Variants in PDE7B observed in about 807,000 individuals in gnomAD.
The protein encoded by PDE7B is 3',5'-cyclic-AMP phosphodiesterase 7B.
A neutral mutation model predicts 56.2 loss-of-function variants in PDE7B; 29 were observed. The observed-to-expected ratio is 0.52, with a 90% CI of 0.38 to 0.70. The LOEUF (loss-of-function observed/expected upper bound fraction) is 0.70. Among genes scored for constraint, PDE7B ranks in the 30% least tolerant of loss-of-function variants. The pLI, the probability that PDE7B is intolerant of heterozygous loss-of-function variation, is 0.00. For synonymous variants in PDE7B, 197 were observed against 196.9 expected (o/e 1.00, Z 0.00); for missense variants, 490 against 565.0 (o/e 0.87, Z 1.35).
intron 1 of PDE7B, among the ~76,000 whole-genome samples, chr6:135,906,813 T>TTTTTTTTTTTTTTTTTTTTTTG (rs1776116704): frequency 5.5e-5 from 6 of 109,294 alleles, no homozygotes; most frequent in African/African-American, 2.6e-4. Flanking sequence ...GAGGTTTGTT[T>TTTTTTTTTTTTTTTTTTTTTTG]TTTTTTTTTT....
At chr6:136,088,425 C>G (rs1456518189) in intron 2 of PDE7B, among the ~76,000 whole-genome samples, 3 of 152,148 alleles carry the variant, frequency 2.0e-5, no homozygotes, top group African/African-American at 7.2e-5. Context: ...AAGTGATGCA[C>G]TAAGCTGGAT....
chr6:135,990,066 C>A (rs956000053), intron 2 of PDE7B, among the ~76,000 whole-genome samples: 1 of 151,062 alleles, frequency 6.6e-6, no homozygotes, highest in African/African-American at 2.4e-5. Flanking sequence ...AATTGGGACT[C>A]AGCAATCTGT....
intron 2 of PDE7B, among the ~76,000 whole-genome samples, chr6:136,009,617 C>T (rs1320598127): frequency 6.6e-6 from 1 of 152,178 alleles, no homozygotes; most frequent in East Asian, 1.9e-4. Flanking sequence ...GGCATTCACT[C>T]ATGATTTGGC....
chr6:135,881,128 C>G (rs1775601891), intron 1 of PDE7B, among the ~76,000 whole-genome samples: 1 of 151,922 alleles, frequency 6.6e-6, no homozygotes. Context: ...TGCAAGTGCC[C>G]TATGCTGTTG....
At chr6:136,052,617 G>GCCCCCCCCCCCCCC (rs11400308) in intron 2 of PDE7B, among the ~76,000 whole-genome samples, 1 of 142,794 alleles carries the variant, frequency 7.0e-6, no homozygotes, top group African/African-American at 2.7e-5. Flanking sequence ...TTAGGGTACA[G>GCCCCCCCCCCCCCC]CCCCCCCCCA....
At chr6:135,954,605 A>G (rs2128200488) in intron 2 of PDE7B, among the ~76,000 whole-genome samples, 1 of 152,292 alleles carries the variant, frequency 6.6e-6, no homozygotes, top group South Asian at 2.1e-4. Context: ...GAAAGTTGAT[A>G]TAATAATGAG....
chr6:135,961,776 A>T (rs1774907198), intron 2 of PDE7B, among the ~76,000 whole-genome samples: 1 of 152,118 alleles, frequency 6.6e-6, no homozygotes, highest in Non-Finnish European at 1.5e-5. Context: ...ATTAATTTTC[A>T]TTTTTTCTTT....
intron 1 of PDE7B, among the ~76,000 whole-genome samples, chr6:135,907,925 G>T (rs1159221607): frequency 6.6e-6 from 1 of 152,096 alleles, no homozygotes; most frequent in African/African-American, 2.4e-5. Flanking sequence ...GGAAATAGAA[G>T]ATGGCCCCTA....
chr6:135,918,325 C>G (rs559064378), intron 1 of PDE7B, among the ~76,000 whole-genome samples: 2 of 152,282 alleles, frequency 1.3e-5, no homozygotes, highest in South Asian at 4.1e-4. Flanking sequence ...ACAGTTGCTT[C>G]AAACATTTTG....
intron 2 of PDE7B, among the ~76,000 whole-genome samples, chr6:136,078,682 A>C (rs1365934904): frequency 6.6e-6 from 1 of 152,116 alleles, no homozygotes; most frequent in Non-Finnish European, 1.5e-5. Context: ...ATGTGCAAAA[A>C]ACCTGCCGTC....
chr6:135,955,688 C>A (rs571713567), intron 2 of PDE7B, among the ~76,000 whole-genome samples: 1 of 152,088 alleles, frequency 6.6e-6, no homozygotes, highest in African/African-American at 2.4e-5. Context: ...TGAAGAAAGA[C>A]TAGTTTAGGG....
At chr6:135,915,801 A>C (rs1342226539) in intron 1 of PDE7B, among the ~76,000 whole-genome samples, 4 of 152,162 alleles carry the variant, frequency 2.6e-5, no homozygotes, top group Non-Finnish European at 5.9e-5. Context: ...AATTATACGG[A>C]ATGTGCGTCT....
rs1426916414 is a variant in PDE7B, at chr6:136,011,825, TAAAAC to T, written c.82+64306_82+64310del. Among the ~76,000 whole-genome samples the T allele has an allele frequency of 2.0e-5, 3 of 151,660 alleles. No homozygotes were observed. In the East Asian group the frequency reaches 5.8e-4, roughly 29 times the overall value. On this transcript the variant is annotated intron_variant, in intron 2 of 12. Coordinates refer to ENST00000308191, the MANE Select transcript of PDE7B (RefSeq NM_018945.4). ...AGGTATCTGTGGTCAGATTTTTACT[TAAAAC>T]AAAAAAAAAGGAGAAGTTTCAGAGT...
intron 1 of PDE7B, among the ~76,000 whole-genome samples, chr6:135,926,085 T>TTGGGG (rs1774178124): frequency 3.1e-4 from 5 of 16,164 alleles, no homozygotes; most frequent in Admixed American, 9.1e-4. Flanking sequence ...TTCTTTTTTT[T>TTGGGG]GGGGGGGGGG....
intron 2 of PDE7B, among the ~76,000 whole-genome samples, chr6:135,981,296 A>AG (rs1388103462): frequency 1.7e-5 from 1 of 59,256 alleles, no homozygotes; most frequent in Non-Finnish European, 3.0e-5. Flanking sequence ...GGGTGGGGGG[A>AG]GGGGGGAGGG....
At chr6:135,979,914 T>A (rs1413617421) in intron 2 of PDE7B, among the ~76,000 whole-genome samples, 1 of 152,192 alleles carries the variant, frequency 6.6e-6, no homozygotes, top group Non-Finnish European at 1.5e-5. Context: ...TACCAATGAC[T>A]TTCTTCACAG....
At chr6:135,861,611 A>G (rs902931470) in intron 1 of PDE7B, among the ~76,000 whole-genome samples, 1 of 151,116 alleles carries the variant, frequency 6.6e-6, no homozygotes, top group Non-Finnish European at 1.5e-5. Flanking sequence ...ATTCTTCTCA[A>G]GATTGTTTTT....
chr6:135,986,234 AT>A (rs1476739339), intron 2 of PDE7B, among the ~76,000 whole-genome samples: 3 of 152,206 alleles, frequency 2.0e-5, no homozygotes, highest in African/African-American at 7.2e-5. Context: ...CATCTTTGAA[AT>A]GAGAGTAATT....
At chr6:136,156,873 A>C (rs180735789) in intron 8 of PDE7B, among the ~76,000 whole-genome samples, 1 of 152,304 alleles carries the variant, frequency 6.6e-6, no homozygotes, top group African/African-American at 2.4e-5. Context: ...ATCACTATTA[A>C]CTATACTAAG....
Sources: gnomAD v4.1 joint callset for allele counts (sites outside exome capture counted in the v4.1 genomes callset) on GRCh38, gnomAD v4.1.1 for gene constraint, MANE v1.5 for transcripts, NCBI Gene and HGNC (gene_info 2026-07-23, HGNC 2026-07-21) for gene names.